The following CDH13 variants were observed in gnomAD, a reference collection of about 807,000 sequenced individuals.
CDH13 encodes the protein cadherin-13.
A neutral mutation model predicts 63.8 loss-of-function variants in CDH13; 24 were observed. The observed-to-expected ratio is 0.38, with a 90% CI of 0.27 to 0.53. The LOEUF (loss-of-function observed/expected upper bound fraction) is 0.53, where lower values mean the gene tolerates loss of function less well. CDH13 is among the 20% of genes least tolerant of loss of function. CDH13 has a pLI of 0.85. For synonymous variants in CDH13, 503 were observed against 355.3 expected (o/e 1.42, Z -4.67); for missense variants, 1,049 against 903.1 (o/e 1.16, Z -2.07).
chr16:83,067,818 C>G (rs79836037), intron 3 of CDH13, among the ~76,000 whole-genome samples: 2 of 152,172 alleles, frequency 1.3e-5, no homozygotes, highest in African/African-American at 2.4e-5. Flanking sequence ...TGTTCCTGCC[C>G]CTCTCTTCTT....
chr16:83,222,576 C>T (rs2039728913), intron 5 of CDH13, among the ~76,000 whole-genome samples: 1 of 152,116 alleles, frequency 6.6e-6, no homozygotes, highest in South Asian at 2.1e-4. Flanking sequence ...TGGGATTGTA[C>T]TACACCTGAT....
intron 2 of CDH13, among the ~76,000 whole-genome samples, chr16:82,972,519 G>T (rs1338654716): frequency 6.6e-6 from 1 of 152,162 alleles, no homozygotes; most frequent in Non-Finnish European, 1.5e-5. Flanking sequence ...ACCTGGGGAG[G>T]TTATTTCAGC....
chr16:83,000,099 G>A (rs1912701542), intron 2 of CDH13, among the ~76,000 whole-genome samples: 1 of 152,020 alleles, frequency 6.6e-6, no homozygotes, highest in Admixed American at 6.5e-5. Flanking sequence ...GTCTATACAG[G>A]GTGGAGGATG....
At position 83,575,946 on chromosome 16, in the gene CDH13, A is replaced by G. The variant is rs540325433; in HGVS notation, c.961-26508A>G. On this transcript the variant is annotated intron_variant, in intron 7 of 13. Coordinates refer to ENST00000567109, the MANE Select transcript of CDH13 (RefSeq NM_001257.5). The stretch of plus-strand genomic sequence containing the variant: ...TTAATTGATGTAAAATTCACATAAC[A>G]TAAAATTAACCACGTTAAAGTGAAC... Among the ~76,000 whole-genome samples, 10 of 152,352 alleles carry G rather than the reference A, an allele frequency of 6.6e-5. 1 individual carries two copies. Among genetic ancestry groups the G allele is most frequent in the African/African-American group, 2.4e-4 (10 of 41,582 alleles).
intron 7 of CDH13, among the ~76,000 whole-genome samples, chr16:83,538,707 G>C (rs1316657880): frequency 6.6e-6 from 1 of 152,208 alleles, no homozygotes; most frequent in South Asian, 2.1e-4. Flanking sequence ...ATAGCTCTTA[G>C]ATTAGCAGAA....
chr16:83,464,593 C>T (rs913540719), intron 6 of CDH13, among the ~76,000 whole-genome samples: 3 of 152,114 alleles, frequency 2.0e-5, no homozygotes, highest in African/African-American at 7.2e-5. Context: ...CTCCTGACCT[C>T]AGGTGATCCA....
At chr16:82,995,098 C>A (rs949789512) in intron 2 of CDH13, among the ~76,000 whole-genome samples, 1 of 152,206 alleles carries the variant, frequency 6.6e-6, no homozygotes, top group Non-Finnish European at 1.5e-5. Flanking sequence ...TTATTCCCGT[C>A]ATTTTAATCA....
chr16:83,364,550 C>G (rs1184310457), intron 6 of CDH13, among the ~76,000 whole-genome samples: 1 of 152,144 alleles, frequency 6.6e-6, no homozygotes, highest in African/African-American at 2.4e-5. Flanking sequence ...TAAAATAGAG[C>G]TCAAGATGGA....
intron 2 of CDH13, among the ~76,000 whole-genome samples, chr16:82,916,804 A>G (rs1416751267): frequency 6.6e-6 from 1 of 152,232 alleles, no homozygotes; most frequent in African/African-American, 2.4e-5. Context: ...GACCTAAAAA[A>G]TATTCCCTAC....
chr16:83,670,615 C>T (rs1357392874), intron 8 of CDH13, among the ~76,000 whole-genome samples, 175 bp from the exon 9 acceptor site: 1 of 152,190 alleles, frequency 6.6e-6, no homozygotes, highest in Non-Finnish European at 1.5e-5. Flanking sequence ...CTCGTGGCCT[C>T]ACCTAAGTTC....
At chr16:83,154,213 C>T (rs1396612830) in intron 4 of CDH13, among the ~76,000 whole-genome samples, 1 of 152,014 alleles carries the variant, frequency 6.6e-6, no homozygotes. Context: ...CTTCTTTAGC[C>T]TGAAACAGAG....
intron 6 of CDH13, among the ~76,000 whole-genome samples, chr16:83,476,050 A>G (rs1045044331): frequency 6.6e-6 from 1 of 152,166 alleles, no homozygotes; most frequent in Non-Finnish European, 1.5e-5. Context: ...GCTTTATATT[A>G]CCTTAAGCTG....
intron 2 of CDH13, among the ~76,000 whole-genome samples, chr16:83,003,304 A>T (rs934794594): frequency 2.6e-5 from 4 of 152,074 alleles, no homozygotes; most frequent in Non-Finnish European, 5.9e-5. Flanking sequence ...GCCATCTCTC[A>T]TGGTGTCTTC....
At chr16:82,703,626 CAT>C (rs2031237588) in intron 1 of CDH13, among the ~76,000 whole-genome samples, 1 of 152,142 alleles carries the variant, frequency 6.6e-6, no homozygotes, top group Admixed American at 6.5e-5. Context: ...AAGCTACTTA[CAT>C]TCGAGAACTA....
intron 6 of CDH13, among the ~76,000 whole-genome samples, chr16:83,441,956 A>G (rs1420337232): frequency 1.3e-5 from 2 of 152,184 alleles, no homozygotes; most frequent in African/African-American, 4.8e-5. Flanking sequence ...GGCTTTATCT[A>G]TAAGGAGGCT....
chr16:82,797,773 C>T (rs1567545841), intron 1 of CDH13, among the ~76,000 whole-genome samples: 2 of 88,092 alleles, frequency 2.3e-5, no homozygotes, highest in African/African-American at 8.3e-5. Context: ...GACTTTAGGG[C>T]CGTGTGTGTG....
At chr16:83,762,448 A>C (rs945805983) in intron 11 of CDH13, among the ~76,000 whole-genome samples, 3 of 152,160 alleles carry the variant, frequency 2.0e-5, no homozygotes, top group Non-Finnish European at 4.4e-5. Context: ...AATGCAATAA[A>C]ATGGAATCCC....
chr16:83,224,058 T>C (rs1286644254), intron 5 of CDH13, among the ~76,000 whole-genome samples: 4 of 152,162 alleles, frequency 2.6e-5, no homozygotes, highest in Non-Finnish European at 5.9e-5. Context: ...CCTCACAACT[T>C]AGCTCCTAAT....
intron 3 of CDH13, among the ~76,000 whole-genome samples, chr16:83,035,918 G>T (rs67917262): frequency 2.6e-5 from 4 of 152,122 alleles, no homozygotes; most frequent in African/African-American, 9.7e-5. Context: ...TGATGCTTAC[G>T]TAATACTTAC....
Sources: allele counts gnomAD v4.1 joint callset (sites outside exome capture counted in the v4.1 genomes callset), GRCh38; gene constraint gnomAD v4.1.1; transcripts MANE v1.5; gene names NCBI Gene and HGNC (gene_info 2026-07-23, HGNC 2026-07-21).